LARP1: variants seen among roughly 807,000 people sequenced by gnomAD.
LARP1 encodes the protein La ribonucleoprotein 1, translational regulator, also known as la-related protein 1.
Under a neutral mutation model 122.7 loss-of-function variants are expected in LARP1, and 36 were observed. That is an observed-to-expected ratio of 0.29 (90% confidence interval 0.22 to 0.39). The LOEUF is 0.39. Among genes scored for constraint, LARP1 ranks in the 10% least tolerant of loss-of-function variants. LARP1 has a pLI of 1.00. For synonymous variants in LARP1, 539 were observed against 528.7 expected (o/e 1.02, Z -0.27); for missense variants, 1,040 against 1,403.6 (o/e 0.74, Z 4.14).
At chr5:154,717,751 A>G (rs1755597948) in intron 1 of LARP1, among the ~76,000 whole-genome samples, 1 of 152,140 alleles carries the variant, frequency 6.6e-6, no homozygotes, top group African/African-American at 2.4e-5. Context: ...AGGAGGCCTA[A>G]TTGAACCCTG....
In LARP1 at chr5:154,755,904, G is replaced by A. The variant is rs1753839342; in HGVS notation, c.147G>A (p.Pro49=). 1 of 1,008,144 alleles carries A rather than the reference G, an allele frequency of 9.9e-7. No individual in the cohort carries two copies. 62.4% of individuals were successfully genotyped at this position (1,008,144 alleles called of 1,614,324 possible). A position where few individuals can be genotyped will look rare whatever the true frequency, so the allele number is the denominator to read the frequency against. Reference sequence around the variant, plus strand: ...CAAACGACGTCCGCGGGGGGGAGCCGGACGGCAGCGCTCGGAGACCCCGGC... The same window carrying A: ...CAAACGACGTCCGCGGGGGGGAGCCAGACGGCAGCGCTCGGAGACCCCGGC... ...PGPNDVRGGE[P]DGSARRPRPP... is the part of the protein sequence containing the mutation. Residue 49 remains proline, a synonymous_variant, in exon 1 of 19, where the codon CCG becomes CCA. Coordinates refer to ENST00000518297, the MANE Select transcript of LARP1 (RefSeq NM_033551.3).
Position 154,756,645 on chromosome 5 carries a change from C to G in LARP1, c.436+452C>G, listed in dbSNP as rs551993060. 1.7e-3 allele frequency: 557 copies of G among 335,540 alleles called. 1 individual carries two copies. Among genetic ancestry groups the G allele is most frequent in the Non-Finnish European group, 1.7e-3 (408 of 235,264 alleles). The allele number at this position is 335,540 out of a possible 1,614,324, so 20.8% of individuals were successfully genotyped here. A position where few individuals can be genotyped will look rare whatever the true frequency, so the allele number is the denominator to read the frequency against. On this transcript the variant is annotated intron_variant, in intron 1 of 18. Coordinates refer to ENST00000518297, the MANE Select transcript of LARP1 (RefSeq NM_033551.3). ...TTGTAAATGTTTAATGAGCATATGT[C>G]ACGGGCAACCCAGTGCCCGGCGCGG...
At chr5:154,736,115 A>G (rs1286133596) in intron 1 of LARP1, among the ~76,000 whole-genome samples, 1 of 145,746 alleles carries the variant, frequency 6.9e-6, no homozygotes, top group African/African-American at 2.5e-5. Flanking sequence ...TTTTTTTTTG[A>G]GATGGAGTCT....
chr5:154,793,455 T>A, intron 4 of LARP1, 140 bp from the exon 5 acceptor site: 1 of 1,002,058 alleles, frequency 1.0e-6, no homozygotes. Flanking sequence ...AGAGGGCTAA[T>A]GTGTGGGAAA....
At chr5:154,777,847 A>AT (rs1257521694) in intron 1 of LARP1, among the ~76,000 whole-genome samples, 4 of 152,210 alleles carry the variant, frequency 2.6e-5, no homozygotes, top group Admixed American at 1.3e-4. Context: ...AAATTAAAAA[A>AT]ATATATATAA....
chr5:154,746,745 G>T (rs747906625), intron 1 of LARP1, among the ~76,000 whole-genome samples: 4 of 152,182 alleles, frequency 2.6e-5, no homozygotes, highest in Non-Finnish European at 5.9e-5. Flanking sequence ...ATGCCTGTAA[G>T]CCCAGCACTT....
At chr5:154,731,860 G>A (rs1386062395) in intron 1 of LARP1, among the ~76,000 whole-genome samples, 1 of 151,678 alleles carries the variant, frequency 6.6e-6, no homozygotes, top group Admixed American at 6.6e-5. Context: ...AAACGCTACT[G>A]AAAATACAAA....
chr5:154,745,523 T>A (rs139739722), intron 1 of LARP1, among the ~76,000 whole-genome samples: 55 of 152,314 alleles, frequency 3.6e-4, no homozygotes, highest in African/African-American at 1.3e-3. Flanking sequence ...TAGGTGCTAT[T>A]ATCATCCCCA....
At chr5:154,800,137 G>T (rs1758226553) in intron 10 of LARP1, 95 bp downstream of exon 10, 1 of 1,137,892 alleles carries the variant, frequency 8.8e-7, no homozygotes, top group Non-Finnish European at 1.2e-6. Flanking sequence ...AGCTCTGAGG[G>T]GCCAGCAGGA....
At chr5:154,780,464 G>T (rs1756330331) in intron 1 of LARP1, among the ~76,000 whole-genome samples, 1 of 152,214 alleles carries the variant, frequency 6.6e-6, no homozygotes, top group Non-Finnish European at 1.5e-5. Context: ...AGTGGATATA[G>T]TTGGGCACAG....
chr5:154,781,268 G>A (rs532927047), intron 1 of LARP1, among the ~76,000 whole-genome samples: 12 of 152,222 alleles, frequency 7.9e-5, no homozygotes, highest in African/African-American at 2.9e-4. Context: ...AGCCCCGCAA[G>A]CTGATTGTGC....
chr5:154,769,661 G>A (rs1755244327), intron 1 of LARP1, among the ~76,000 whole-genome samples: 1 of 152,226 alleles, frequency 6.6e-6, no homozygotes, highest in South Asian at 2.1e-4. Flanking sequence ...GCCCCAGTGA[G>A]ACTTTGCTTC....
chr5:154,793,918 G>C lies in LARP1; in HGVS notation c.987G>C (p.Gly329=). The C allele has an allele frequency of 6.2e-7, 1 of 1,614,108 alleles. No homozygotes were observed. The highest frequency in any genetic ancestry group is 8.5e-7 in the Non-Finnish European group (1 of 1,179,964). Residue 329 remains glycine, a synonymous_variant, in exon 6 of 19, where the codon GGG becomes GGC. Transcript: ENST00000518297. ...QDETSSVKSD[G]AGGARASFRG... ...AGACATCGAGTGTGAAGAGTGATGG[G>C]GCTGGTGGGGCGCGGGCTTCCTTCC... is the stretch of plus-strand genomic sequence containing the variant.
In LARP1 at chr5:154,816,534, T is replaced by TTTTTG. The variant is rs878916083; in HGVS notation, c.*2442_*2443insGTTTT. The TTTTTG allele has an allele frequency of 6.6e-5, 10 of 152,630 alleles. No homozygotes were observed. Among genetic ancestry groups the TTTTTG allele is most frequent in the African/African-American group, 2.2e-4 (9 of 41,456 alleles). 9.5% of individuals were successfully genotyped at this position (152,630 alleles called of 1,614,324 possible). A position where few individuals can be genotyped will look rare whatever the true frequency, so the allele number is the denominator to read the frequency against. On this transcript the variant is annotated 3_prime_UTR_variant, in exon 19 of 19. Coordinates refer to ENST00000518297, the MANE Select transcript of LARP1 (RefSeq NM_033551.3). The stretch of plus-strand genomic sequence containing the variant: ...GGGAGCTTTTTCTTTTCTTTCCTTT[T>TTTTTG]TTTTTGTTTTTGTTTTTGTTTTTGT...
intron 6 of LARP1, 36 bp downstream of exon 6, chr5:154,794,036 G>C (rs1241073165): frequency 6.2e-7 from 1 of 1,610,436 alleles, no homozygotes; most frequent in African/African-American, 1.3e-5. Context: ...GGATGTCCAA[G>C]GGTGTGCAGC....
intron 1 of LARP1, among the ~76,000 whole-genome samples, chr5:154,696,025 T>C (rs958774369): frequency 6.6e-6 from 1 of 152,050 alleles, no homozygotes; most frequent in Non-Finnish European, 1.5e-5. Flanking sequence ...TCAACTATAT[T>C]TATCTCAGAG....
At chr5:154,813,752 T>A in intron 18 of LARP1, 135 bp from the exon 19 acceptor site, 2 of 748,634 alleles carry the variant, frequency 2.7e-6, no homozygotes, top group Non-Finnish European at 2.3e-6. Flanking sequence ...TAATAACTTA[T>A]AATTTATTTT....
At chr5:154,757,143 C>G (rs1754017923) in intron 1 of LARP1, 2 of 150,808 alleles carry the variant, frequency 1.3e-5, no homozygotes, top group African/African-American at 4.9e-5. Flanking sequence ...TGCGCGTCCC[C>G]CCTTCCCAGC....
intron 1 of LARP1, among the ~76,000 whole-genome samples, chr5:154,772,743 A>G (rs898373868): frequency 1.3e-5 from 2 of 152,136 alleles, no homozygotes; most frequent in African/African-American, 4.8e-5. Flanking sequence ...GCTGGAGTGC[A>G]ATGGCATGAT....
Sources: allele counts gnomAD v4.1 joint callset (sites outside exome capture counted in the v4.1 genomes callset), GRCh38; gene constraint gnomAD v4.1.1; transcripts MANE v1.5; gene names NCBI Gene and HGNC (gene_info 2026-07-23, HGNC 2026-07-21).